SORBS2: variants seen among roughly 807,000 people sequenced by gnomAD.
SORBS2 encodes the protein sorbin and SH3 domain-containing protein 2.
SORBS2 carries 46 observed loss-of-function variants against 97.7 expected under a neutral mutation model. The ratio of observed to expected loss-of-function variants is 0.47; its 90% CI spans 0.37 to 0.60. The LOEUF (loss-of-function observed/expected upper bound fraction) is 0.60. Ranked by LOEUF, SORBS2 falls within the 20% of genes least tolerant of loss-of-function variation. The pLI is 0.00. For missense variants in SORBS2, 1,316 were observed against 1,282.3 expected, an observed-to-expected ratio of 1.03 and a Z score of -0.40; for synonymous variants, 476 against 473.4, an observed-to-expected ratio of 1.01 and a Z score of -0.07.
intron 1 of SORBS2, among the ~76,000 whole-genome samples, chr4:185,868,147 CT>C (rs372271322): frequency 3.3e-5 from 3 of 89,762 alleles, no homozygotes; most frequent in Non-Finnish European, 2.2e-5. Flanking sequence ...CTTTTCTTTT[CT>C]TTTTTTCTTT....
intron 1 of SORBS2, among the ~76,000 whole-genome samples, chr4:185,924,844 T>C (rs1242705213): frequency 6.6e-6 from 1 of 152,190 alleles, no homozygotes; most frequent in African/African-American, 2.4e-5. Flanking sequence ...TCCTTCCTTC[T>C]TTCTTGCCTA....
At chr4:185,822,117 A>C (rs2099197120) in intron 1 of SORBS2, among the ~76,000 whole-genome samples, 1 of 152,262 alleles carries the variant, frequency 6.6e-6, no homozygotes, top group Non-Finnish European at 1.5e-5. Flanking sequence ...CACTCTGTGT[A>C]TAGAAAAAAG....
intron 1 of SORBS2, among the ~76,000 whole-genome samples, chr4:185,933,556 C>T (rs115200965): frequency 0.042 from 6,420 of 152,138 alleles, 140 homozygotes; most frequent in African/African-American, 0.072. Flanking sequence ...CCTTGCTGGC[C>T]GTCTTTGGCT....
chr4:185,621,376 A>G (rs1423505482), intron 7 of SORBS2, among the ~76,000 whole-genome samples: 1 of 152,184 alleles, frequency 6.6e-6, no homozygotes, highest in Non-Finnish European at 1.5e-5. Flanking sequence ...TATTTTACTA[A>G]AAAACAAAAT....
At chr4:185,795,960 A>G (rs1584972493) in intron 1 of SORBS2, among the ~76,000 whole-genome samples, 1 of 152,066 alleles carries the variant, frequency 6.6e-6, no homozygotes, top group Non-Finnish European at 1.5e-5. Flanking sequence ...TGTCTCCATA[A>G]TCTCTCCACG....
intron 1 of SORBS2, among the ~76,000 whole-genome samples, chr4:185,817,643 T>C (rs1330090911): frequency 1.3e-5 from 2 of 152,212 alleles, no homozygotes; most frequent in African/African-American, 4.8e-5. Context: ...GTCACGGCAT[T>C]GTTGAATTAG....
chr4:185,701,989 T>C (rs1035100612), intron 2 of SORBS2, among the ~76,000 whole-genome samples: 2 of 152,142 alleles, frequency 1.3e-5, no homozygotes, highest in Admixed American at 6.5e-5. Flanking sequence ...CAGGATGGTC[T>C]AGATCTCCTG....
chr4:185,844,054 A>G (rs1238164171), intron 1 of SORBS2, among the ~76,000 whole-genome samples: 2 of 152,210 alleles, frequency 1.3e-5, no homozygotes, highest in African/African-American at 4.8e-5. Flanking sequence ...GGCAGTTCAC[A>G]TAGATCAGTG....
chr4:185,896,532 C>A (rs2099245133), intron 1 of SORBS2, among the ~76,000 whole-genome samples: 1 of 152,208 alleles, frequency 6.6e-6, no homozygotes, highest in Non-Finnish European at 1.5e-5. Context: ...TGCAGTGAGC[C>A]AAGATCGCGC....
rs948194586 is a variant in SORBS2 at position 185,792,423 on chromosome 4, G to A, written c.-337-17057C>T. On this transcript the variant is annotated intron_variant, in intron 1 of 20. Coordinates refer to the SORBS2 transcript ENST00000284776. The stretch of plus-strand genomic sequence containing the variant: ...GCAGGAGAATTGCTTGAACCCAGGA[G>A]GCAGAGGCTGCAGTTAGCTGAGATC... Among the ~76,000 whole-genome samples, 4 of 152,054 alleles carry A rather than the reference G, an allele frequency of 2.6e-5. No individual in the cohort carries two copies. In the South Asian group the frequency reaches 8.3e-4, roughly 32 times the overall value.
chr4:185,638,508 A>G (rs1053232869), intron 4 of SORBS2, among the ~76,000 whole-genome samples: 2 of 152,062 alleles, frequency 1.3e-5, no homozygotes, highest in Non-Finnish European at 2.9e-5. Context: ...GGCACGCCTG[A>G]TGTTTGGAAT....
At chr4:185,770,804 G>A (rs1400008980) in intron 2 of SORBS2, among the ~76,000 whole-genome samples, 2 of 152,056 alleles carry the variant, frequency 1.3e-5, no homozygotes, top group Non-Finnish European at 1.5e-5. Flanking sequence ...AGTCAATTAA[G>A]CACAAAAAGA....
chr4:185,607,315 TG>T lies in SORBS2; in HGVS notation c.2796+4464del, dbSNP rs1388343556. On this transcript the variant is annotated intron_variant, in intron 12 of 14. Transcript: ENST00000418609. This position sits in a 1 kb window ranked among gnomAD's most constrained non-coding sequence, Gnocchi z 5.2. ...TTTATCTGAGCCAGGTGAGACTTTGTGGGTGGGAGGAGGGGCTGGTTCACTG... is the reference window on the plus strand; with the variant it reads ...TTTATCTGAGCCAGGTGAGACTTTGTGGTGGGAGGAGGGGCTGGTTCACTG... 1 of 1,286,330 alleles carries T rather than the reference TG, an allele frequency of 7.8e-7. No homozygotes were observed. Among genetic ancestry groups the T allele is most frequent in the Non-Finnish European group, 1.0e-6 (1 of 987,286 alleles). 79.7% of individuals were successfully genotyped at this position (1,286,330 alleles called of 1,614,324 possible).
At chr4:185,776,578 A>G (rs552457798) in intron 1 of SORBS2, among the ~76,000 whole-genome samples, 18 of 152,264 alleles carry the variant, frequency 1.2e-4, no homozygotes, top group African/African-American at 2.9e-4. Flanking sequence ...GAGGCTTTCC[A>G]TCGGGAGATG....
chr4:185,814,553 AAAACAAACAAAC>A lies in SORBS2; in HGVS notation c.-337-39199_-337-39188del, dbSNP rs36055043. Among the ~76,000 whole-genome samples the A allele has an allele frequency of 8.6e-5, 13 of 151,254 alleles. No individual in the cohort carries two copies. The South Asian group carries it at 2.5e-3, about 29-fold the overall frequency. On this transcript the variant is annotated intron_variant, in intron 1 of 20. Coordinates refer to the SORBS2 transcript ENST00000284776. Reference sequence around the variant, plus strand: ...AGACTCTGTCTCTGTTTTTAGTAGCAAAACAAACAAACAAACAAACAAACAAATATCTGAAGT... The same window carrying A: ...AGACTCTGTCTCTGTTTTTAGTAGCAAAACAAACAAACAAATATCTGAAGT...
intron 1 of SORBS2, among the ~76,000 whole-genome samples, chr4:185,801,051 C>T (rs965564539): frequency 2.6e-5 from 4 of 152,148 alleles, no homozygotes; most frequent in Non-Finnish European, 5.9e-5. Flanking sequence ...TTCCTCCCCC[C>T]ACCAATTCCT....
intron 1 of SORBS2, among the ~76,000 whole-genome samples, chr4:185,876,110 A>AAT (rs757534461): frequency 6.8e-6 from 1 of 147,924 alleles, no homozygotes; most frequent in Non-Finnish European, 1.5e-5. Context: ...TAGGATTTAA[A>AAT]TTTTTTTGTT....
At chr4:185,597,359 T>G (rs1343556935) in intron 12 of SORBS2, among the ~76,000 whole-genome samples, 4 of 152,122 alleles carry the variant, frequency 2.6e-5, no homozygotes, top group Non-Finnish European at 5.9e-5. Flanking sequence ...GTGTCCGTCA[T>G]CAGTTTTACA....
intron 2 of SORBS2, chr4:185,757,119 C>T: frequency 1.9e-6 from 1 of 526,552 alleles, no homozygotes; most frequent in Non-Finnish European, 3.6e-6. Context: ...AGGAAGCACA[C>T]TGTCCACTGT....
Sources: allele counts gnomAD v4.1 joint callset (sites outside exome capture counted in the v4.1 genomes callset), GRCh38; gene constraint gnomAD v4.1.1; non-coding constraint Gnocchi (gnomAD v3.1); transcripts MANE v1.5; gene names NCBI Gene and HGNC (gene_info 2026-07-23, HGNC 2026-07-21).